The following TMTC2 variants were observed in gnomAD, a reference collection of about 807,000 sequenced individuals.
TMTC2 encodes the protein protein O-mannosyl-transferase TMTC2.
A neutral mutation model predicts 82.4 loss-of-function variants in TMTC2; 43 were observed. The ratio of observed to expected loss-of-function variants is 0.52; its 90% CI spans 0.41 to 0.67. The LOEUF is 0.67. Ranked by LOEUF, TMTC2 falls within the 30% of genes least tolerant of loss-of-function variation. The pLI is 0.00. For missense variants in TMTC2, 919 were observed against 1,012.4 expected, an observed-to-expected ratio of 0.91 and a Z score of 1.25; for synonymous variants, 408 against 381.9, an observed-to-expected ratio of 1.07 and a Z score of -0.80.
At chr12:83,068,100 C>G (rs1330303979) in intron 11 of TMTC2, among the ~76,000 whole-genome samples, 1 of 151,918 alleles carries the variant, frequency 6.6e-6, no homozygotes, top group Non-Finnish European at 1.5e-5. Flanking sequence ...AATAAATGAG[C>G]TTATTGACAA....
intron 1 of TMTC2, among the ~76,000 whole-genome samples, chr12:82,701,828 AT>A (rs1230598189): frequency 1.3e-5 from 2 of 151,780 alleles, no homozygotes; most frequent in Non-Finnish European, 2.9e-5. Flanking sequence ...CATATTTAAC[AT>A]TTTTCTAGGG....
intron 1 of TMTC2, among the ~76,000 whole-genome samples, chr12:82,813,680 C>T (rs1182179949): frequency 2.0e-5 from 3 of 151,918 alleles, no homozygotes; most frequent in Non-Finnish European, 4.4e-5. Context: ...TCTTGCCTAC[C>T]CTCCCTACCC....
At chr12:83,017,614 G>A (rs758181454) in intron 8 of TMTC2, among the ~76,000 whole-genome samples, 3 of 152,094 alleles carry the variant, frequency 2.0e-5, no homozygotes, top group Admixed American at 2.0e-4. Context: ...CTTAGTGTCC[G>A]CTGAGTGGGC....
intron 1 of TMTC2, among the ~76,000 whole-genome samples, chr12:82,696,774 G>T (rs80028785): frequency 0.032 from 4,915 of 151,996 alleles, 177 homozygotes; most frequent in East Asian, 0.12. Context: ...GATGCCTGTG[G>T]CTGGCAAGGA....
intron 11 of TMTC2, 68 bp from the exon 12 acceptor site, chr12:83,132,142 T>C: frequency 4.6e-6 from 7 of 1,518,838 alleles, no homozygotes; most frequent in Non-Finnish European, 5.3e-6. Flanking sequence ...TGGATGAAGA[T>C]TTTTGTTTTC....
intron 2 of TMTC2, among the ~76,000 whole-genome samples, chr12:82,865,625 A>G (rs1204431912): frequency 6.6e-6 from 1 of 152,202 alleles, no homozygotes; most frequent in Non-Finnish European, 1.5e-5. Context: ...TAACAAGGTT[A>G]TCCAGGAATT....
At chr12:83,054,820 G>A (rs1882477171) in intron 10 of TMTC2, among the ~76,000 whole-genome samples, 2 of 151,838 alleles carry the variant, frequency 1.3e-5, no homozygotes, top group Admixed American at 1.3e-4. Context: ...TCCAAAATAG[G>A]ATGATCTTCA....
chr12:82,778,487 G>A (rs1010100362), intron 1 of TMTC2, among the ~76,000 whole-genome samples: 5 of 152,032 alleles, frequency 3.3e-5, no homozygotes, highest in Non-Finnish European at 7.4e-5. Context: ...AGGCCAAGGC[G>A]AGCAGATCAC....
intron 2 of TMTC2, among the ~76,000 whole-genome samples, chr12:82,872,248 T>A (rs1293262931): frequency 6.6e-6 from 1 of 152,098 alleles, no homozygotes; most frequent in Non-Finnish European, 1.5e-5. Context: ...AGCTTGAACA[T>A]CACATTGGCC....
chr12:82,749,739 C>CTT (rs71068950), intron 1 of TMTC2, among the ~76,000 whole-genome samples: 4,028 of 127,052 alleles, frequency 0.032, 269 homozygotes, highest in African/African-American at 0.1. Context: ...TTCTTTCTTT[C>CTT]TTTTTTTTTT....
intron 10 of TMTC2, 49 bp from the exon 11 acceptor site, chr12:83,061,719 G>T (rs1592722760): frequency 6.8e-7 from 1 of 1,472,352 alleles, no homozygotes; most frequent in Non-Finnish European, 9.1e-7. Context: ...GATCCTATTT[G>T]TAATTCTAAA....
chr12:82,917,010 G>A (rs890024291), intron 3 of TMTC2, among the ~76,000 whole-genome samples: 2 of 151,790 alleles, frequency 1.3e-5, no homozygotes, highest in African/African-American at 2.4e-5. Flanking sequence ...GTAATAATCC[G>A]AGGTATAATT....
intron 10 of TMTC2, among the ~76,000 whole-genome samples, chr12:83,052,925 G>A (rs1315100075): frequency 7.0e-6 from 1 of 142,086 alleles, no homozygotes; most frequent in Non-Finnish European, 1.6e-5. Context: ...TTGACTGCAA[G>A]AGTGACCACA....
At chr12:82,876,169 T>TGA (rs1565789068) in intron 2 of TMTC2, among the ~76,000 whole-genome samples, 1 of 119,700 alleles carries the variant, frequency 8.4e-6, no homozygotes, top group South Asian at 2.3e-4. Context: ...GGTGGTAGTG[T>TGA]TGTTGATCGG....
chr12:82,842,359 AT>A (rs1012753983), intron 1 of TMTC2, among the ~76,000 whole-genome samples: 19 of 151,928 alleles, frequency 1.3e-4, no homozygotes, highest in African/African-American at 4.1e-4. Flanking sequence ...AGTGATTCAA[AT>A]TTTTTTTTCC....
At chr12:82,721,276 T>G (rs1012622527) in intron 1 of TMTC2, among the ~76,000 whole-genome samples, 5 of 152,188 alleles carry the variant, frequency 3.3e-5, no homozygotes, top group African/African-American at 1.2e-4. Flanking sequence ...GGTCGGTTTA[T>G]AAGGGGATGC....
intron 1 of TMTC2, among the ~76,000 whole-genome samples, chr12:82,700,125 C>T (rs1872999606): frequency 6.6e-6 from 1 of 152,142 alleles, no homozygotes; most frequent in African/African-American, 2.4e-5. Flanking sequence ...AAGCTCCCCA[C>T]TGATACCAAG....
chr12:83,104,357 T>C (rs1370031548), intron 11 of TMTC2, among the ~76,000 whole-genome samples: 1 of 152,242 alleles, frequency 6.6e-6, no homozygotes, highest in East Asian at 1.9e-4. Flanking sequence ...CTAGTAGAGG[T>C]TCTCTGTAAG....
intron 2 of TMTC2, among the ~76,000 whole-genome samples, chr12:82,868,701 T>C (rs575633561): frequency 1.9e-4 from 19 of 97,438 alleles, no homozygotes; most frequent in East Asian, 5.2e-4. Flanking sequence ...GTCTCTCTCT[T>C]TTTTTTTTTT....
Sources: allele counts gnomAD v4.1 joint callset (sites outside exome capture counted in the v4.1 genomes callset), GRCh38; gene constraint gnomAD v4.1.1; transcripts MANE v1.5; gene names NCBI Gene and HGNC (gene_info 2026-07-23, HGNC 2026-07-21).